Variants in DDX10 observed in about 807,000 individuals in gnomAD.
DDX10 encodes DEAD-box helicase 10.
In DDX10, 74 loss-of-function variants were observed where a neutral mutation model predicts 104.3. The observed-to-expected ratio is 0.71, with a 90% CI of 0.59 to 0.86. The LOEUF is 0.86. DDX10 is among the 40% of genes least tolerant of loss of function. The pLI is 0.00. For missense variants in DDX10, 952 were observed against 1,040.0 expected (o/e 0.92, Z 1.16); for synonymous variants, 351 against 353.4 (o/e 0.99, Z 0.08).
chr11:108,666,802 CTTTAA>C (rs766828225), intron 1 of DDX10, among the ~76,000 whole-genome samples: 3 of 152,222 alleles, frequency 2.0e-5, no homozygotes, highest in Non-Finnish European at 4.4e-5. Flanking sequence ...ATCCCAAGAT[CTTTAA>C]TTTAATCACA....
chr11:108,736,818 T>G (rs750525066), intron 13 of DDX10, among the ~76,000 whole-genome samples: 4 of 152,188 alleles, frequency 2.6e-5, no homozygotes, highest in Non-Finnish European at 4.4e-5. Flanking sequence ...TTCTCTTCTT[T>G]ATAAATTACA....
intron 7 of DDX10, 146 bp downstream of exon 7, chr11:108,689,208 C>T (rs1279395305): frequency 1.8e-5 from 14 of 792,130 alleles, no homozygotes; most frequent in African/African-American, 3.4e-5. Flanking sequence ...CAAAGGAATC[C>T]GTGGCTGAGA....
intron 16 of DDX10, among the ~76,000 whole-genome samples, chr11:108,911,018 A>G (rs976989536): frequency 6.6e-6 from 1 of 152,188 alleles, no homozygotes; most frequent in Admixed American, 6.5e-5. Context: ...TTCTATCTCT[A>G]TCAAATGTTA....
chr11:108,687,708 T>G (rs909028130), intron 6 of DDX10, among the ~76,000 whole-genome samples: 3 of 152,242 alleles, frequency 2.0e-5, no homozygotes, highest in African/African-American at 7.2e-5. Flanking sequence ...TTTGCAAATA[T>G]TTTTCTCCAT....
At chr11:108,870,134 T>C (rs1340873419) in intron 16 of DDX10, among the ~76,000 whole-genome samples, 2 of 152,154 alleles carry the variant, frequency 1.3e-5, no homozygotes, top group African/African-American at 4.8e-5. Context: ...AATCTACAGT[T>C]ATTTAAAAAT....
At chr11:108,762,714 A>G (rs1476596862) in intron 13 of DDX10, among the ~76,000 whole-genome samples, 1 of 152,162 alleles carries the variant, frequency 6.6e-6, no homozygotes, top group East Asian at 1.9e-4. Flanking sequence ...TTAAGTCTAG[A>G]TCATGGTCTC....
At chr11:108,703,223 A>G (rs1185775213) in intron 9 of DDX10, among the ~76,000 whole-genome samples, 3 of 152,212 alleles carry the variant, frequency 2.0e-5, no homozygotes, top group Non-Finnish European at 2.9e-5. Context: ...GTATACTAAG[A>G]CACAATGTGT....
At chr11:108,687,861 G>C (rs1395659259) in intron 6 of DDX10, among the ~76,000 whole-genome samples, 1 of 152,090 alleles carries the variant, frequency 6.6e-6, no homozygotes, top group African/African-American at 2.4e-5. Flanking sequence ...GTAGTTTTTG[G>C]TTTGTCTGTC....
At chr11:108,918,414 A>C (rs979401499) in intron 17 of DDX10, 3 of 200,878 alleles carry the variant, frequency 1.5e-5, no homozygotes, top group Non-Finnish European at 3.0e-5. Flanking sequence ...AACTCTATTA[A>C]AGATACTGCT....
At chr11:108,677,332 T>C (rs1261348279) in intron 4 of DDX10, 89 bp downstream of exon 4, 4 of 1,236,328 alleles carry the variant, frequency 3.2e-6, no homozygotes, top group South Asian at 1.5e-5. Context: ...AGAGACTTCA[T>C]CTAAACAGAC....
chr11:108,714,033 C>G (rs1328080534), intron 10 of DDX10, among the ~76,000 whole-genome samples: 1 of 152,164 alleles, frequency 6.6e-6, no homozygotes, highest in Non-Finnish European at 1.5e-5. Flanking sequence ...ACAAGGCCCA[C>G]CCTCAGGAGA....
At chr11:108,729,901 T>C (rs1015126017) in intron 13 of DDX10, 3 of 152,566 alleles carry the variant, frequency 2.0e-5, no homozygotes, top group African/African-American at 7.2e-5. Flanking sequence ...TCCCAACTAC[T>C]AGTAAGCTGA....
chr11:108,844,796 A>C (rs935786294), intron 15 of DDX10, among the ~76,000 whole-genome samples: 1 of 152,214 alleles, frequency 6.6e-6, no homozygotes, highest in Non-Finnish European at 1.5e-5. Context: ...CCATAGATCT[A>C]GTTAAGACAT....
intron 16 of DDX10, among the ~76,000 whole-genome samples, chr11:108,863,351 A>T (rs1286783698): frequency 5.9e-5 from 9 of 152,228 alleles, no homozygotes; most frequent in Non-Finnish European, 1.3e-4. Flanking sequence ...AAGTTCTTTT[A>T]TCAAGAATTC....
chr11:108,834,628 A>G (rs1254546857), intron 13 of DDX10, among the ~76,000 whole-genome samples: 1 of 152,030 alleles, frequency 6.6e-6, no homozygotes, highest in East Asian at 1.9e-4. Context: ...TATTACAGTG[A>G]TCCCTTAAGT....
Position 108,882,441 on chromosome 11 carries a change from C to T in DDX10, c.2304+30232C>T, listed in dbSNP as rs181362325. Among the ~76,000 whole-genome samples, 200 of 152,258 alleles carry T rather than the reference C, an allele frequency of 1.3e-3. 1 individual carries two copies. The highest frequency in any genetic ancestry group is 2.2e-3 in the Non-Finnish European group (153 of 68,012). ...GGCAGTGGTTAGAAAAGATTGAGCA[C>T]CTAGTCAATGAATGTTGGGCTGAAA... On this transcript the variant is annotated intron_variant, in intron 16 of 17. Transcript: ENST00000322536.
At chr11:108,848,646 T>C (rs1268210580) in intron 15 of DDX10, among the ~76,000 whole-genome samples, 1 of 152,106 alleles carries the variant, frequency 6.6e-6, no homozygotes, top group African/African-American at 2.4e-5. Flanking sequence ...AATATCTTGG[T>C]GTTTGGGCTC....
At chr11:108,724,394 A>G (rs374535148) in intron 13 of DDX10, among the ~76,000 whole-genome samples, 48 of 152,184 alleles carry the variant, frequency 3.2e-4, no homozygotes, top group African/African-American at 1.0e-3. Context: ...CGTTACTACT[A>G]TCTCATTATA....
chr11:108,671,231 T>G (rs1189085703), intron 1 of DDX10, among the ~76,000 whole-genome samples: 2 of 152,222 alleles, frequency 1.3e-5, no homozygotes, highest in African/African-American at 4.8e-5. Context: ...TGGCTCTATC[T>G]CTGCTCACCA....
Sources: gnomAD v4.1 joint callset for allele counts (sites outside exome capture counted in the v4.1 genomes callset) on GRCh38, gnomAD v4.1.1 for gene constraint, MANE v1.5 for transcripts, NCBI Gene and HGNC (gene_info 2026-07-23, HGNC 2026-07-21) for gene names.